CNTNAP5: variants seen among roughly 807,000 people sequenced by gnomAD.
CNTNAP5 encodes the protein contactin-associated protein-like 5.
CNTNAP5 carries 72 observed loss-of-function variants against 150.2 expected under a neutral mutation model. The observed-to-expected ratio is 0.48, with a 90% CI of 0.40 to 0.58. The LOEUF is 0.58. Among genes scored for constraint, CNTNAP5 ranks in the 20% least tolerant of loss-of-function variants. The pLI is 0.00. For missense variants in CNTNAP5, 1,636 were observed against 1,626.2 expected (o/e 1.01, Z -0.10); for synonymous variants, 672 against 619.8 (o/e 1.08, Z -1.25).
intron 21 of CNTNAP5, among the ~76,000 whole-genome samples, chr2:124,890,554 G>T (rs1324098212): frequency 6.6e-6 from 1 of 152,010 alleles, no homozygotes; most frequent in African/African-American, 2.4e-5. Flanking sequence ...GCCTGCCTTG[G>T]TATCTGCTTC....
At chr2:124,421,853 C>T (rs1692110174) in intron 4 of CNTNAP5, among the ~76,000 whole-genome samples, 5 of 152,184 alleles carry the variant, frequency 3.3e-5, no homozygotes, top group Admixed American at 3.3e-4. Flanking sequence ...AAGTCACCTG[C>T]CTTCCTTCTT....
At chr2:124,424,716 CAT>C (rs1250206929) in intron 4 of CNTNAP5, among the ~76,000 whole-genome samples, 2 of 152,304 alleles carry the variant, frequency 1.3e-5, no homozygotes, top group African/African-American at 4.8e-5. Flanking sequence ...AGTCAACAAA[CAT>C]TACCCAGTAG....
chr2:124,800,374 T>TACAC (rs148248412), intron 19 of CNTNAP5, among the ~76,000 whole-genome samples: 1 of 151,274 alleles, frequency 6.6e-6, no homozygotes. Context: ...CACACACATA[T>TACAC]ACACACACAC....
chr2:124,341,151 A>G (rs1689605309), intron 3 of CNTNAP5, among the ~76,000 whole-genome samples: 1 of 152,082 alleles, frequency 6.6e-6, no homozygotes. Context: ...ATCCATAAAA[A>G]GTCTGTCTGG....
intron 20 of CNTNAP5, among the ~76,000 whole-genome samples, chr2:124,866,529 G>T (rs1677636091): frequency 6.6e-6 from 1 of 152,162 alleles, no homozygotes; most frequent in Non-Finnish European, 1.5e-5. Context: ...CCTGGAAGAA[G>T]TTAGGAGTAA....
intron 11 of CNTNAP5, among the ~76,000 whole-genome samples, chr2:124,600,575 T>C (rs1696962578): frequency 6.6e-6 from 1 of 152,176 alleles, no homozygotes; most frequent in Non-Finnish European, 1.5e-5. Context: ...TGTTGTGGGA[T>C]ATGCTGACCA....
At chr2:124,739,507 C>T (rs1680455225) in intron 13 of CNTNAP5, among the ~76,000 whole-genome samples, 1 of 152,106 alleles carries the variant, frequency 6.6e-6, no homozygotes, top group Admixed American at 6.5e-5. Context: ...ACATGTGCTG[C>T]AATCACTGGT....
intron 6 of CNTNAP5, among the ~76,000 whole-genome samples, chr2:124,450,094 A>T (rs1237603292): frequency 6.6e-6 from 1 of 152,088 alleles, no homozygotes; most frequent in Non-Finnish European, 1.5e-5. Flanking sequence ...TAGAATCTAC[A>T]TTGATTTGCT....
At chr2:124,621,604 T>C (rs1336949519) in intron 12 of CNTNAP5, among the ~76,000 whole-genome samples, 2 of 152,196 alleles carry the variant, frequency 1.3e-5, no homozygotes, top group African/African-American at 4.8e-5. Flanking sequence ...ATTGCAGTAA[T>C]AGATTATCAT....
chr2:124,560,975 A>C (rs990137259), intron 10 of CNTNAP5, among the ~76,000 whole-genome samples: 6 of 152,144 alleles, frequency 3.9e-5, no homozygotes, highest in African/African-American at 1.2e-4. Context: ...ACAACAAAAA[A>C]AAAAACTACA....
At chr2:124,839,755 G>C (rs1051895036) in intron 19 of CNTNAP5, among the ~76,000 whole-genome samples, 4 of 152,132 alleles carry the variant, frequency 2.6e-5, no homozygotes, top group African/African-American at 7.2e-5. Context: ...CCGGCTGTAC[G>C]TGGTGCACTG....
intron 13 of CNTNAP5, among the ~76,000 whole-genome samples, chr2:124,657,072 C>A (rs920787503): frequency 6.6e-6 from 1 of 152,126 alleles, no homozygotes; most frequent in African/African-American, 2.4e-5. Flanking sequence ...CATTATCCAG[C>A]GGCAAGGAGA....
chr2:124,489,387 G>A (rs1029542652), intron 7 of CNTNAP5, among the ~76,000 whole-genome samples: 2 of 152,164 alleles, frequency 1.3e-5, no homozygotes, highest in African/African-American at 4.8e-5. Flanking sequence ...GGGCATGTCT[G>A]TGTCCTAATA....
At chr2:124,570,201 T>C (rs979189779) in intron 11 of CNTNAP5, among the ~76,000 whole-genome samples, 2 of 152,210 alleles carry the variant, frequency 1.3e-5, no homozygotes, top group African/African-American at 4.8e-5. Flanking sequence ...AATGAATTTA[T>C]GAGGCATGTG....
chr2:124,163,969 G>A (rs969233290), intron 1 of CNTNAP5, among the ~76,000 whole-genome samples: 5 of 151,978 alleles, frequency 3.3e-5, no homozygotes, highest in Admixed American at 2.6e-4. Context: ...TTACTTAGCT[G>A]GAGTCTATCC....
At chr2:124,891,464 G>T (rs1183261754) in intron 21 of CNTNAP5, among the ~76,000 whole-genome samples, 1 of 152,116 alleles carries the variant, frequency 6.6e-6, no homozygotes, top group African/African-American at 2.4e-5. Context: ...AGGGCGTGAT[G>T]ACGATGATGA....
At position 124,865,441 on chromosome 2, in the gene CNTNAP5, C is replaced by T. The variant is rs757518217; in HGVS notation, c.3348+5C>T. 1.2e-5 allele frequency: 19 copies of T among 1,551,034 alleles called. No individual in the cohort carries two copies. Among genetic ancestry groups the T allele is most frequent in the Admixed American group, 1.2e-4 (6 of 50,940 alleles). On this transcript the variant is annotated splice_donor_5th_base_variant and intron_variant, in intron 20 of 23. Transcript: ENST00000682447. ...GGAAGAGAGCTTACCATTCAGGTACCTTCCTTACTTTCTCCTGCTTCAGCC... is the reference window on the plus strand; with the variant it reads ...GGAAGAGAGCTTACCATTCAGGTACTTTCCTTACTTTCTCCTGCTTCAGCC...
rs72962844 is a variant in CNTNAP5 at position 124,243,920 on chromosome 2, T to A, written c.381+1527T>A. Among the ~76,000 whole-genome samples, 1,308 of 152,300 alleles carry A rather than the reference T, an allele frequency of 8.6e-3. 16 individuals are homozygous for A. Among genetic ancestry groups the A allele is most frequent in the African/African-American group, 0.029 (1,208 of 41,586 alleles). On this transcript the variant is annotated intron_variant, in intron 3 of 23. Transcript: ENST00000682447. ...TTTTCATTTTGTTTCACTTTTAGTT[T>A]GAGATAAGAAATAAGCACACCTTCC...
intron 1 of CNTNAP5, among the ~76,000 whole-genome samples, chr2:124,161,701 G>A (rs1166124263): frequency 6.6e-6 from 1 of 152,052 alleles, no homozygotes; most frequent in Non-Finnish European, 1.5e-5. Context: ...CATTGCAAAT[G>A]CAGATCAAAA....
Sources: allele counts gnomAD v4.1 joint callset (sites outside exome capture counted in the v4.1 genomes callset), GRCh38; gene constraint gnomAD v4.1.1; transcripts MANE v1.5; gene names NCBI Gene and HGNC (gene_info 2026-07-23, HGNC 2026-07-21).